The following CTNNA2 variants were observed in gnomAD, a reference collection of about 807,000 sequenced individuals.
CTNNA2 encodes the protein catenin alpha-2.
A neutral mutation model predicts 101.0 loss-of-function variants in CTNNA2; 42 were observed. The ratio of observed to expected loss-of-function variants is 0.42; its 90% CI spans 0.32 to 0.54. The LOEUF is 0.54. Among genes scored for constraint, CTNNA2 ranks in the 20% least tolerant of loss-of-function variants. CTNNA2 has a pLI of 0.14. For missense variants in CTNNA2, 871 were observed against 1,223.1 expected (o/e 0.71, Z 4.29); for synonymous variants, 450 against 456.4 (o/e 0.99, Z 0.18).
At chr2:79,362,265 G>A (rs4852476) in intron 3 of CTNNA2, among the ~76,000 whole-genome samples, 117,011 of 152,052 alleles carry the variant, frequency 0.77, 45,332 homozygotes, top group East Asian at 0.96. Context: ...AAATATTCCA[G>A]CTCACGGTCA....
intron 2 of CTNNA2, among the ~76,000 whole-genome samples, chr2:79,716,267 A>T (rs747921399): frequency 5.9e-5 from 9 of 152,106 alleles, no homozygotes; most frequent in Non-Finnish European, 1.0e-4. Context: ...TTGATTTATT[A>T]TTTATTTATT....
intron 8 of CTNNA2, among the ~76,000 whole-genome samples, chr2:80,415,985 A>G (rs933996804): frequency 3.9e-5 from 6 of 152,124 alleles, no homozygotes; most frequent in Non-Finnish European, 8.8e-5. Context: ...GAACCTAAAA[A>G]CAAACAAACA....
intron 7 of CTNNA2, among the ~76,000 whole-genome samples, chr2:80,199,960 C>G (rs899156348): frequency 6.6e-6 from 1 of 152,166 alleles, no homozygotes; most frequent in Non-Finnish European, 1.5e-5. Flanking sequence ...AGGAGCTCAC[C>G]TGACTCTCTC....
chr2:79,771,372 G>T (rs1673565301), intron 3 of CTNNA2, among the ~76,000 whole-genome samples: 1 of 152,168 alleles, frequency 6.6e-6, no homozygotes, highest in South Asian at 2.1e-4. Flanking sequence ...TCAGACGAGG[G>T]GTAAGGGGAT....
chr2:80,347,838 C>T (rs201642774), intron 7 of CTNNA2, among the ~76,000 whole-genome samples: 8 of 146,780 alleles, frequency 5.5e-5, no homozygotes, highest in South Asian at 2.1e-4. Flanking sequence ...TTTTTCTTTT[C>T]TTTTCTTTTT....
intron 7 of CTNNA2, among the ~76,000 whole-genome samples, chr2:79,919,864 C>T (rs938330827): frequency 6.6e-6 from 1 of 152,154 alleles, no homozygotes; most frequent in African/African-American, 2.4e-5. Flanking sequence ...TTGTTACACT[C>T]TAAGAACTGA....
chr2:80,224,956 G>T (rs1008962493), intron 7 of CTNNA2, among the ~76,000 whole-genome samples: 1 of 152,082 alleles, frequency 6.6e-6, no homozygotes, highest in African/African-American at 2.4e-5. Context: ...TTCTGTGCAG[G>T]ATAAATAGCT....
At chr2:79,192,858 T>A (rs1242228018) in intron 1 of CTNNA2, among the ~76,000 whole-genome samples, 2 of 151,936 alleles carry the variant, frequency 1.3e-5, no homozygotes, top group Admixed American at 1.3e-4. Context: ...ATATTATATA[T>A]ATAAAAAGTG....
At chr2:80,586,971 C>G (rs12474308) in intron 14 of CTNNA2, among the ~76,000 whole-genome samples, 1 of 151,860 alleles carries the variant, frequency 6.6e-6, no homozygotes, top group Non-Finnish European at 1.5e-5. Context: ...CACAGTGTGG[C>G]GAGCAGTGCT....
chr2:80,562,772 T>C (rs908735322), intron 12 of CTNNA2, among the ~76,000 whole-genome samples: 1 of 152,146 alleles, frequency 6.6e-6, no homozygotes, highest in African/African-American at 2.4e-5. Context: ...GGAATAACTA[T>C]ACAATCTCTG....
intron 7 of CTNNA2, among the ~76,000 whole-genome samples, chr2:80,327,475 AG>A (rs35431890): frequency 0.17 from 25,188 of 152,112 alleles, 2,151 homozygotes; most frequent in African/African-American, 0.21. Flanking sequence ...ACAACTAGAC[AG>A]AGGCTAAAGT....
At chr2:79,964,115 A>C (rs1056739398) in intron 7 of CTNNA2, among the ~76,000 whole-genome samples, 1 of 152,174 alleles carries the variant, frequency 6.6e-6, no homozygotes, top group Non-Finnish European at 1.5e-5. Flanking sequence ...CTGCATGGCC[A>C]GTTGATTCGT....
rs118165426 is a variant in CTNNA2 at position 80,629,050 on chromosome 2, G to T, written c.2574+9822G>T. 2.9e-4 allele frequency among the ~76,000 whole-genome samples: 44 copies of T among 152,214 alleles called. No homozygotes were observed. The East Asian group carries it at 6.4e-3, about 22-fold the overall frequency. ...TCATTGAGTTATTGTTAGGATTAAT[G>T]GTATTGATGTGCACCATACATTGAG... On this transcript the variant is annotated intron_variant, in intron 18 of 18. Coordinates refer to ENST00000402739, the MANE Select transcript of CTNNA2 (RefSeq NM_001282597.3).
At chr2:79,317,275 A>T (rs775252523) in intron 3 of CTNNA2, among the ~76,000 whole-genome samples, 11 of 152,014 alleles carry the variant, frequency 7.2e-5, no homozygotes, top group Non-Finnish European at 1.5e-4. Context: ...ATTATGGTAT[A>T]TGTTTCTTTT....
At chr2:79,703,336 C>G (rs981259969) in intron 2 of CTNNA2, among the ~76,000 whole-genome samples, 2 of 151,978 alleles carry the variant, frequency 1.3e-5, no homozygotes, top group African/African-American at 4.8e-5. Flanking sequence ...TTTTTTTCCC[C>G]AAACTTGGAA....
At chr2:80,549,071 G>C (rs1558575505) in intron 11 of CTNNA2, among the ~76,000 whole-genome samples, 1 of 152,128 alleles carries the variant, frequency 6.6e-6, no homozygotes, top group Non-Finnish European at 1.5e-5. Context: ...AATGATGCTA[G>C]CTATTAACAT....
At chr2:79,607,565 G>A (rs56378206) in intron 1 of CTNNA2, among the ~76,000 whole-genome samples, 20,314 of 152,062 alleles carry the variant, frequency 0.13, 2,287 homozygotes, top group African/African-American at 0.31. Flanking sequence ...GTTGATTACT[G>A]ATAAGTATAT....
chr2:79,463,049 C>G (rs1324428513), intron 4 of CTNNA2, among the ~76,000 whole-genome samples: 1 of 152,132 alleles, frequency 6.6e-6, no homozygotes, highest in Non-Finnish European at 1.5e-5. Context: ...CTTCTCTATT[C>G]TATTAACTGG....
intron 6 of CTNNA2, among the ~76,000 whole-genome samples, chr2:79,901,614 G>A (rs753927449): frequency 5.3e-5 from 8 of 152,044 alleles, no homozygotes; most frequent in East Asian, 1.9e-4. Flanking sequence ...TTCTGTGTAC[G>A]TTTCAGATGA....
Sources: allele counts gnomAD v4.1 joint callset (sites outside exome capture counted in the v4.1 genomes callset), GRCh38; gene constraint gnomAD v4.1.1; transcripts MANE v1.5; gene names NCBI Gene and HGNC (gene_info 2026-07-23, HGNC 2026-07-21).